Variants in RGS6 observed in about 807,000 individuals in gnomAD.
RGS6 encodes the protein regulator of G protein signaling 6.
Under a neutral mutation model 78.5 loss-of-function variants are expected in RGS6, and 30 were observed. The observed-to-expected ratio is 0.38, with a 90% CI of 0.29 to 0.52. RGS6 has a LOEUF of 0.52. Among genes scored for constraint, RGS6 ranks in the 20% least tolerant of loss-of-function variants. The pLI, the probability that RGS6 is intolerant of heterozygous loss-of-function variation, is 0.85. For synonymous variants in RGS6, 206 were observed against 206.0 expected (o/e 1.00, Z 0.00); for missense variants, 495 against 609.7 (o/e 0.81, Z 1.98).
At chr14:72,431,094 T>C (rs1448751365) in intron 3 of RGS6, among the ~76,000 whole-genome samples, 2 of 152,168 alleles carry the variant, frequency 1.3e-5, no homozygotes, top group African/African-American at 4.8e-5. Context: ...ATGTATACTA[T>C]ACAGGGCTGC....
chr14:71,868,241 C>G, the RGS6 span, among the ~76,000 whole-genome samples: 1 of 151,942 alleles, frequency 6.6e-6, no homozygotes, highest in Non-Finnish European at 1.5e-5. Flanking sequence ...GGGAGCTGTG[C>G]CTTGAATTTG....
intron 2 of RGS6, among the ~76,000 whole-genome samples, chr14:71,981,335 G>A (rs1267584503): frequency 4.6e-5 from 7 of 152,290 alleles, no homozygotes; most frequent in South Asian, 4.2e-4. Flanking sequence ...GAGGAGAGGC[G>A]CTCTGCTTTT....
chr14:72,377,034 G>T (rs143790907), intron 3 of RGS6, among the ~76,000 whole-genome samples: 88 of 152,152 alleles, frequency 5.8e-4, no homozygotes, highest in African/African-American at 2.1e-3. Context: ...GAAATCGATA[G>T]GATGATAAAA....
chr14:72,034,740 C>G (rs565803937), intron 2 of RGS6, among the ~76,000 whole-genome samples: 1 of 152,092 alleles, frequency 6.6e-6, no homozygotes, highest in East Asian at 1.9e-4. Flanking sequence ...AGAAGTGGTG[C>G]CAATTCTTCT....
intron 2 of RGS6, among the ~76,000 whole-genome samples, chr14:72,287,645 A>G (rs2062825632): frequency 6.6e-6 from 1 of 152,050 alleles, no homozygotes; most frequent in South Asian, 2.1e-4. Context: ...TTTAGTAGAG[A>G]CGGAGTTTCA....
At chr14:72,388,145 A>C (rs1279445892) in intron 3 of RGS6, among the ~76,000 whole-genome samples, 1 of 152,168 alleles carries the variant, frequency 6.6e-6, no homozygotes, top group African/African-American at 2.4e-5. Flanking sequence ...ATAGTGCTTG[A>C]GGTCTTTACT....
chr14:71,971,725 G>A (rs543168018), intron 2 of RGS6, among the ~76,000 whole-genome samples: 8 of 152,194 alleles, frequency 5.3e-5, no homozygotes, highest in African/African-American at 9.6e-5. Flanking sequence ...TTATGGTTTC[G>A]TCTGAAGTCT....
chr14:72,594,076 T>C, the RGS6 span, among the ~76,000 whole-genome samples: 1 of 152,134 alleles, frequency 6.6e-6, no homozygotes, highest in African/African-American at 2.4e-5. Context: ...CCCCAAAAGA[T>C]AGTGTGGGCT....
intron 2 of RGS6, among the ~76,000 whole-genome samples, chr14:71,977,353 AT>A (rs1385107609): frequency 6.0e-5 from 3 of 49,658 alleles, no homozygotes; most frequent in Non-Finnish European, 1.1e-4. Flanking sequence ...TATGACCTGA[AT>A]GGTAATGCCT....
chr14:72,262,415 T>G (rs1367924145), intron 2 of RGS6, among the ~76,000 whole-genome samples: 1 of 152,196 alleles, frequency 6.6e-6, no homozygotes, highest in Non-Finnish European at 1.5e-5. Flanking sequence ...TCTGTGCACT[T>G]AAGGGAGGGA....
At chr14:71,971,871 C>T (rs866173730) in intron 2 of RGS6, among the ~76,000 whole-genome samples, 20 of 144,884 alleles carry the variant, frequency 1.4e-4, no homozygotes, top group Non-Finnish European at 1.9e-4. Context: ...ATTTATGACA[C>T]GTGTCTCTCC....
chr14:72,127,951 C>T (rs1053068570), intron 2 of RGS6, among the ~76,000 whole-genome samples: 3 of 151,808 alleles, frequency 2.0e-5, no homozygotes, highest in Non-Finnish European at 4.4e-5. Context: ...TTTTTTCCCT[C>T]AGCATAATTG....
intron 1 of RGS6, among the ~76,000 whole-genome samples, chr14:71,949,562 A>T (rs2092041840): frequency 6.6e-6 from 1 of 152,114 alleles, no homozygotes; most frequent in Admixed American, 6.5e-5. Flanking sequence ...ACAAATTTTT[A>T]ATACAAATAC....
chr14:72,499,470 G>A (rs190020309), intron 13 of RGS6, among the ~76,000 whole-genome samples: 1 of 152,270 alleles, frequency 6.6e-6, no homozygotes, highest in Non-Finnish European at 1.5e-5. Context: ...GGTTTCCCAA[G>A]GCTTCTGTTG....
intron 2 of RGS6, among the ~76,000 whole-genome samples, chr14:72,183,287 A>G (rs2097198350): frequency 6.6e-6 from 1 of 152,186 alleles, no homozygotes; most frequent in Non-Finnish European, 1.5e-5. Flanking sequence ...AACCTGGCTG[A>G]ATTGCTTCTG....
chr14:72,429,540 A>G (rs1438297064), intron 3 of RGS6, among the ~76,000 whole-genome samples: 1 of 152,186 alleles, frequency 6.6e-6, no homozygotes, highest in Non-Finnish European at 1.5e-5. Flanking sequence ...CCAGAAAAAG[A>G]GACTGGGCAT....
intron 2 of RGS6, among the ~76,000 whole-genome samples, chr14:72,187,274 G>GTGTA (rs1223461574): frequency 6.6e-6 from 1 of 152,212 alleles, no homozygotes; most frequent in African/African-American, 2.4e-5. Flanking sequence ...GCACTTGGCT[G>GTGTA]TGTATAACTA....
At chr14:72,615,486 C>T in the RGS6 span, among the ~76,000 whole-genome samples, 1 of 152,216 alleles carries the variant, frequency 6.6e-6, no homozygotes, top group African/African-American at 2.4e-5. Context: ...CAAAAATGCA[C>T]CAGGAGTGTG....
intron 2 of RGS6, among the ~76,000 whole-genome samples, chr14:72,013,208 T>G (rs1308227036): frequency 7.2e-6 from 1 of 137,968 alleles, no homozygotes; most frequent in Non-Finnish European, 1.5e-5. Context: ...GAGGTGGGGG[T>G]TGCAGTGAGC....
Sources: allele counts gnomAD v4.1 joint callset (sites outside exome capture counted in the v4.1 genomes callset), GRCh38; gene constraint gnomAD v4.1.1; transcripts MANE v1.5; gene names NCBI Gene and HGNC (gene_info 2026-07-23, HGNC 2026-07-21).